The following SCAMP5 variants were observed in gnomAD, a reference collection of about 807,000 sequenced individuals.
SCAMP5 encodes the protein secretory carrier-associated membrane protein 5.
SCAMP5 carries 7 observed loss-of-function variants against 28.3 expected under a neutral mutation model. The ratio of observed to expected loss-of-function variants is 0.25; its 90% CI spans 0.14 to 0.46. The LOEUF is 0.46. SCAMP5 is among the 20% of genes least tolerant of loss of function. SCAMP5 has a pLI of 0.99. For synonymous variants in SCAMP5, 117 were observed against 116.4 expected (o/e 1.00, Z -0.03); for missense variants, 192 against 312.5 (o/e 0.61, Z 2.91).
Position 75,014,822 on chromosome 15 carries a change from T to G in SCAMP5, c.137-1771T>G, listed in dbSNP as rs530277773. On this transcript the variant is annotated intron_variant, in intron 3 of 6. Coordinates refer to ENST00000425597, the MANE Select transcript of SCAMP5 (RefSeq NM_138967.4). ...TTTGAGCAAGGGAGCTGGGGCAGGT[T>G]GGACTGGGGAGAGATGTGAACCAAT... 2.4e-4 allele frequency among the ~76,000 whole-genome samples: 37 copies of G among 152,292 alleles called. 1 individual carries two copies. The South Asian group carries it at 6.2e-3, about 26-fold the overall frequency.
chr15:75,009,345 A>G (rs990356885), intron 1 of SCAMP5, among the ~76,000 whole-genome samples: 2 of 151,618 alleles, frequency 1.3e-5, no homozygotes, highest in East Asian at 1.9e-4. Flanking sequence ...GGGTTTTTGT[A>G]TCTGTATTTG....
At chr15:75,005,464 A>G (rs879823471) in intron 1 of SCAMP5, among the ~76,000 whole-genome samples, 1 of 151,940 alleles carries the variant, frequency 6.6e-6, no homozygotes, top group Non-Finnish European at 1.5e-5. Flanking sequence ...CCGTTTCAAA[A>G]AAAAAAAAAA....
At chr15:75,013,002 GT>G (rs1417972312) in intron 3 of SCAMP5, 197 bp downstream of exon 3, 9 of 593,916 alleles carry the variant, frequency 1.5e-5, no homozygotes, top group Non-Finnish European at 2.7e-5. Flanking sequence ...CTGGGCCTCA[GT>G]TTCCCTCAAC....
chr15:75,017,509 A>T (rs916827711), intron 4 of SCAMP5: 9 of 463,598 alleles, frequency 1.9e-5, no homozygotes, highest in African/African-American at 1.6e-4. Flanking sequence ...GAGACCATCC[A>T]TCCATGTACC....
chr15:75,007,239 GTATCTC>G (rs2065768978), intron 1 of SCAMP5, among the ~76,000 whole-genome samples: 1 of 152,132 alleles, frequency 6.6e-6, no homozygotes, highest in Non-Finnish European at 1.5e-5. Context: ...GGTCTGAATT[GTATCTC>G]CTACAGTGAG....
intron 1 of SCAMP5, 100 bp downstream of exon 1, chr15:74,995,773 A>G (rs1003935197): frequency 2.0e-5 from 3 of 152,550 alleles, no homozygotes; most frequent in Admixed American, 6.6e-5. Flanking sequence ...TTCCTCCTAC[A>G]CTTCACCTTT....
chr15:75,010,376 TC>T (rs1243894725), intron 1 of SCAMP5, among the ~76,000 whole-genome samples: 2 of 152,096 alleles, frequency 1.3e-5, no homozygotes, highest in African/African-American at 4.8e-5. Context: ...CAGGGAGTCT[TC>T]CAATTGCTCC....
chr15:75,013,962 G>C (rs1051586174), intron 3 of SCAMP5, among the ~76,000 whole-genome samples: 5 of 152,072 alleles, frequency 3.3e-5, no homozygotes, highest in Non-Finnish European at 7.4e-5. Context: ...GTGTCTTCTT[G>C]GGGGGATGGG....
intron 2 of SCAMP5, 129 bp from the exon 3 acceptor site, chr15:75,012,547 TG>T: frequency 9.4e-7 from 1 of 1,061,936 alleles, no homozygotes; most frequent in Non-Finnish European, 1.4e-6. Context: ...TAGGGACGGC[TG>T]GGTGGGGAAA....
rs2065705850 is a variant in SCAMP5, at chr15:75,001,293, A to G, written c.-49+5620A>G. Among the ~76,000 whole-genome samples the G allele has an allele frequency of 2.1e-5, 3 of 146,308 alleles. No individual in the cohort carries two copies. The South Asian group carries it at 6.5e-4, about 32-fold the overall frequency. On this transcript the variant is annotated intron_variant, in intron 1 of 6. Coordinates refer to ENST00000425597, the MANE Select transcript of SCAMP5 (RefSeq NM_138967.4). ...CCAAAAAAAAAAAAAAAAAAAAAAG[A>G]TTCAGATCCAATATCTATGAAGCCA... is the stretch of plus-strand genomic sequence containing the variant.
chr15:75,001,894 A>AAG (rs2065712939), intron 1 of SCAMP5, among the ~76,000 whole-genome samples: 1 of 146,628 alleles, frequency 6.8e-6, no homozygotes, highest in Non-Finnish European at 1.5e-5. Context: ...AAAAAAAAAA[A>AAG]AAAAGAGACT....
chr15:75,017,850 A>T lies in SCAMP5; in HGVS notation c.294-20A>T, dbSNP rs1301639192. 6.4e-7 allele frequency: 1 copy of T among 1,558,804 alleles called. No homozygotes were observed. Among genetic ancestry groups the T allele is most frequent in the Non-Finnish European group, 8.9e-7 (1 of 1,129,716 alleles). On this transcript the variant is annotated intron_variant, in intron 4 of 6. Transcript: ENST00000425597. The stretch of plus-strand genomic sequence containing the variant: ...CCTGGCCCTCTGCCCAGGTGACGGG[A>T]GCCACCTCCTCTGCCGCAGGACTGA...
chr15:75,000,237 C>G (rs923122782), intron 1 of SCAMP5, among the ~76,000 whole-genome samples: 1 of 152,056 alleles, frequency 6.6e-6, no homozygotes, highest in Non-Finnish European at 1.5e-5. Context: ...CTATGTTGTC[C>G]AGGCTGTAGT....
At chr15:75,008,095 T>A (rs1844929711) in intron 1 of SCAMP5, among the ~76,000 whole-genome samples, 1 of 152,174 alleles carries the variant, frequency 6.6e-6, no homozygotes. Flanking sequence ...GGCTCTTTTT[T>A]TTTTCTTGTC....
At chr15:75,001,056 C>T (rs1349338497) in intron 1 of SCAMP5, among the ~76,000 whole-genome samples, 3 of 149,728 alleles carry the variant, frequency 2.0e-5, no homozygotes, top group Non-Finnish European at 4.5e-5. Flanking sequence ...GTCAGGAGAT[C>T]GATACTAGCC....
In SCAMP5 at chr15:75,019,135, G is replaced by A. The variant is rs1260757407; in HGVS notation, c.*152G>A. Reference sequence around the variant, plus strand: ...ACCAGAGTTATATATATATATATATGTATATGTCTGTACCCCAGCCCCCAC... The same window carrying A: ...ACCAGAGTTATATATATATATATATATATATGTCTGTACCCCAGCCCCCAC... On this transcript the variant is annotated 3_prime_UTR_variant, in exon 7 of 7. Coordinates refer to ENST00000425597, the MANE Select transcript of SCAMP5 (RefSeq NM_138967.4). 2.1e-5 allele frequency: 9 copies of A among 424,108 alleles called. No homozygotes were observed. The highest frequency in any genetic ancestry group is 8.7e-5 in the African/African-American group (4 of 45,942). The allele number at this position is 424,108 out of a possible 1,614,324, so 26.3% of individuals were successfully genotyped here.
chr15:75,003,052 TC>T (rs1422373826), intron 1 of SCAMP5, among the ~76,000 whole-genome samples: 1 of 152,184 alleles, frequency 6.6e-6, no homozygotes, highest in African/African-American at 2.4e-5. Flanking sequence ...TGCCTCAGCC[TC>T]CTGTGTAGCT....
At chr15:75,012,346 C>G (rs1233022635) in intron 2 of SCAMP5, among the ~76,000 whole-genome samples, 1 of 152,242 alleles carries the variant, frequency 6.6e-6, no homozygotes, top group African/African-American at 2.4e-5. Context: ...TCTGTAGATT[C>G]TCACACATCC....
rs2065860428 is a variant in SCAMP5, at chr15:75,016,485, G to A, written c.137-108G>A. On this transcript the variant is annotated intron_variant, in intron 3 of 6. Coordinates refer to ENST00000425597, the MANE Select transcript of SCAMP5 (RefSeq NM_138967.4). ...CGCTGTTGGCCTGGCTTGATTGTGG[G>A]TCTCTGTTGCGTTACTGGTGTGTGT... 3.9e-6 allele frequency: 4 copies of A among 1,013,454 alleles called. No homozygotes were observed. The African/African-American group carries it at 4.8e-5, about 12-fold the overall frequency. 62.8% of individuals were successfully genotyped at this position (1,013,454 alleles called of 1,614,324 possible). A position where few individuals can be genotyped will look rare whatever the true frequency, so the allele number is the denominator to read the frequency against.
Sources: allele counts gnomAD v4.1 joint callset (sites outside exome capture counted in the v4.1 genomes callset), GRCh38; gene constraint gnomAD v4.1.1; transcripts MANE v1.5; gene names NCBI Gene and HGNC (gene_info 2026-07-23, HGNC 2026-07-21).